CATSPERB: variants seen among roughly 807,000 people sequenced by gnomAD.
CATSPERB encodes cation channel sperm-associated auxiliary subunit beta.
Under a neutral mutation model 128.3 loss-of-function variants are expected in CATSPERB, and 93 were observed. That is an observed-to-expected ratio of 0.72 (90% CI 0.61 to 0.86). CATSPERB has a LOEUF of 0.86. CATSPERB is among the 40% of genes least tolerant of loss of function. The probability of loss-of-function intolerance (pLI) is 0.00; values close to 1 mark genes in which losing one functional copy is unlikely to be tolerated. For missense variants in CATSPERB, 1,153 were observed against 1,329.5 expected (o/e 0.87, Z 2.06); for synonymous variants, 381 against 448.8 (o/e 0.85, Z 1.91).
chr14:91,621,876 G>A lies in CATSPERB; in HGVS notation c.1992C>T (p.Ser664=), dbSNP rs369347403. ...CTAAAATGCTTGTGATGAGGAAGCT[G>A]CTGTACCCGGGAAGCACTACAGTCT... ...IEKTVVLPGY[S]SFLITSILDN... The change falls in exon 19 of 27, where the codon AGC becomes AGT. Residue 664 remains serine (S), a synonymous_variant. Coordinates refer to ENST00000256343, the MANE Select transcript of CATSPERB (RefSeq NM_024764.4). 40 of 1,613,840 alleles carry A rather than the reference G, an allele frequency of 2.5e-5. No individual in the cohort carries two copies. Among genetic ancestry groups the A allele is most frequent in the Non-Finnish European group, 3.4e-5 (40 of 1,179,922 alleles).
At chr14:91,719,310 G>A in intron 5 of CATSPERB, 108 bp downstream of exon 5, 6 of 704,530 alleles carry the variant, frequency 8.5e-6, no homozygotes, top group Non-Finnish European at 1.3e-5. Flanking sequence ...CCACATGGGG[G>A]ATTTACATGA....
chr14:91,679,364 G>A (rs1299498569), intron 11 of CATSPERB, among the ~76,000 whole-genome samples: 1 of 152,090 alleles, frequency 6.6e-6, no homozygotes, highest in Non-Finnish European at 1.5e-5. Flanking sequence ...ATCTTATATG[G>A]TAAATTTCTG....
intron 11 of CATSPERB, among the ~76,000 whole-genome samples, chr14:91,682,859 C>T (rs905895424): frequency 2.0e-5 from 3 of 152,164 alleles, no homozygotes; most frequent in South Asian, 2.1e-4. Context: ...GAAGAAACTT[C>T]CAGATTAGGC....
chr14:91,677,154 T>C (rs1252397648), intron 11 of CATSPERB, among the ~76,000 whole-genome samples: 3 of 152,156 alleles, frequency 2.0e-5, no homozygotes, highest in South Asian at 2.1e-4. Context: ...ATTCAGGACA[T>C]AGGCATGGGC....
At chr14:91,715,005 C>G (rs1327141497) in intron 5 of CATSPERB, 1 of 153,156 alleles carries the variant, frequency 6.5e-6, no homozygotes, top group Non-Finnish European at 1.5e-5. Context: ...CCAACCAACA[C>G]CAGGAGCCAG....
intron 22 of CATSPERB, chr14:91,592,249 C>T (rs1566695620): frequency 8.4e-6 from 4 of 474,112 alleles, no homozygotes; most frequent in Non-Finnish European, 1.5e-5. Context: ...CGTGCAGTTG[C>T]ATGGGACCTA....
chr14:91,702,217 C>G (rs184145694), intron 7 of CATSPERB, among the ~76,000 whole-genome samples: 2 of 151,536 alleles, frequency 1.3e-5, no homozygotes, highest in African/African-American at 4.8e-5. Flanking sequence ...TGGATAAAGA[C>G]GAGGAGGAGG....
intron 22 of CATSPERB, chr14:91,605,034 G>A (rs1264170077): frequency 1.7e-6 from 2 of 1,188,258 alleles, no homozygotes; most frequent in African/African-American, 3.0e-5. Flanking sequence ...CTGGTCTTCT[G>A]TTTCTTGAAT....
chr14:91,581,643 C>T (rs1893208583), intron 26 of CATSPERB, among the ~76,000 whole-genome samples: 1 of 152,150 alleles, frequency 6.6e-6, no homozygotes. Flanking sequence ...AAAATGTTTC[C>T]TCTGCATGAA....
chr14:91,594,408 C>T (rs1359726998), intron 22 of CATSPERB, among the ~76,000 whole-genome samples: 1 of 151,444 alleles, frequency 6.6e-6, no homozygotes, highest in Non-Finnish European at 1.5e-5. Flanking sequence ...AGCACACCAA[C>T]ATGGCACATG....
Position 91,659,952 on chromosome 14 carries a change from G to C in CATSPERB, c.1317C>G (p.Thr439=). Residue 439 remains threonine, a synonymous_variant, in exon 15 of 27, where the codon ACC becomes ACG. Transcript: ENST00000256343. Reference sequence around the variant, plus strand: ...CATGAAAGTTAGCTATTAATTGAAAGGTGTTGCCGCCATCAACTGAAAGCC... The same window carrying C: ...CATGAAAGTTAGCTATTAATTGAAACGTGTTGCCGCCATCAACTGAAAGCC... ...QIWLSVDGGN[T]FQLIANFHDD... is the part of the protein sequence containing the mutation. The C allele has an allele frequency of 6.3e-7, 1 of 1,590,646 alleles. No individual in the cohort carries two copies. The highest frequency in any genetic ancestry group is 8.5e-7 in the Non-Finnish European group (1 of 1,172,736).
At chr14:91,680,987 C>G (rs1895270855) in intron 11 of CATSPERB, among the ~76,000 whole-genome samples, 2 of 152,092 alleles carry the variant, frequency 1.3e-5, no homozygotes, top group African/African-American at 2.4e-5. Context: ...TTCTTTATGG[C>G]AATAAGCTAT....
intron 20 of CATSPERB, among the ~76,000 whole-genome samples, chr14:91,615,586 A>G (rs1470236806): frequency 1.3e-5 from 2 of 152,182 alleles, no homozygotes; most frequent in Admixed American, 1.3e-4. Flanking sequence ...ACTTAGCATA[A>G]TGTTCCAATT....
At chr14:91,715,900 A>G (rs1207585491) in intron 5 of CATSPERB, among the ~76,000 whole-genome samples, 1 of 152,176 alleles carries the variant, frequency 6.6e-6, no homozygotes, top group African/African-American at 2.4e-5. Context: ...AAAAATTAAC[A>G]TTGGCCCATA....
At chr14:91,631,659 C>T (rs1894280114) in intron 17 of CATSPERB, among the ~76,000 whole-genome samples, 1 of 151,868 alleles carries the variant, frequency 6.6e-6, no homozygotes, top group Non-Finnish European at 1.5e-5. Flanking sequence ...GAACAAAACT[C>T]CATCTCAAAA....
At chr14:91,664,485 C>T (rs1377188358) in intron 14 of CATSPERB, among the ~76,000 whole-genome samples, 3 of 151,952 alleles carry the variant, frequency 2.0e-5, no homozygotes, top group Admixed American at 6.5e-5. Context: ...AGGCTGGTCT[C>T]GAACTCCTGA....
chr14:91,603,912 G>C (rs1487688159), intron 22 of CATSPERB, among the ~76,000 whole-genome samples: 1 of 151,560 alleles, frequency 6.6e-6, no homozygotes, highest in Non-Finnish European at 1.5e-5. Context: ...TGGGGACACA[G>C]ATCCAAACCA....
chr14:91,586,571 A>AGAGAAAGAGAGAGAGAGAG (rs374162982), intron 26 of CATSPERB, among the ~76,000 whole-genome samples: 12 of 114,246 alleles, frequency 1.1e-4, no homozygotes, highest in African/African-American at 2.2e-4. Context: ...GAGAGAGAGA[A>AGAGAAAGAGAGAGAGAGAG]AGAGAGAGAG....
rs553601809 is a variant in CATSPERB, at chr14:91,636,554, G to A, written c.1613C>T (p.Ala538Val). ...TAAGGAGGTGTGCTGTGGGGCAAGC[G>A]CAGTCTCAAAGCCCATATCTGGAGG... ...GQPPDMGFET[A>V]LAPQHTSLDE... Residue 538 changes from alanine (A) to valine (V), a missense_variant, in exon 17 of 27, where the codon GCG (alanine) becomes GTG (valine). Physicochemically the swap from Ala to Val is moderately conservative, Grantham distance 64 (BLOSUM62 0). Transcript: ENST00000256343. The A allele has an allele frequency of 3.3e-5, 53 of 1,613,802 alleles. No homozygotes were observed. The highest frequency in any genetic ancestry group is 2.0e-4 in the African/African-American group (15 of 74,988).
Sources: allele counts gnomAD v4.1 joint callset (sites outside exome capture counted in the v4.1 genomes callset), GRCh38; gene constraint gnomAD v4.1.1; transcripts MANE v1.5; gene names NCBI Gene and HGNC (gene_info 2026-07-23, HGNC 2026-07-21).